TTC6: variants seen among roughly 807,000 people sequenced by gnomAD.
TTC6 encodes the protein tetratricopeptide repeat protein 6.
Under a neutral mutation model 210.4 loss-of-function variants are expected in TTC6, and 172 were observed. The observed-to-expected ratio is 0.82, with a 90% CI of 0.72 to 0.93. The LOEUF (loss-of-function observed/expected upper bound fraction) is 0.93, where lower values mean the gene tolerates loss of function less well. Among genes scored for constraint, TTC6 ranks in the 40% least tolerant of loss-of-function variants. TTC6 has a pLI of 0.00. For missense variants in TTC6, 2,414 were observed against 2,318.1 expected, an observed-to-expected ratio of 1.04 and a Z score of -0.85; for synonymous variants, 804 against 819.6, an observed-to-expected ratio of 0.98 and a Z score of 0.32.
chr14:37,627,924 G>A (rs568169373), intron 1 of TTC6, among the ~76,000 whole-genome samples: 3 of 152,252 alleles, frequency 2.0e-5, no homozygotes, highest in Admixed American at 6.5e-5. Context: ...GTGTAAAAGC[G>A]TTCCTATTTC....
chr14:37,762,054 A>G (rs1441008403), intron 14 of TTC6, among the ~76,000 whole-genome samples: 1 of 152,176 alleles, frequency 6.6e-6, no homozygotes, highest in East Asian at 1.9e-4. Flanking sequence ...TAGATTCCAC[A>G]TATAAACGAG....
chr14:37,711,343 T>C (rs2095844458), intron 5 of TTC6, among the ~76,000 whole-genome samples: 1 of 152,180 alleles, frequency 6.6e-6, no homozygotes, highest in South Asian at 2.1e-4. Context: ...GAATGCAGTA[T>C]ATTGTGTAAT....
At chr14:37,792,123 A>T (rs982755188) in intron 16 of TTC6, 141 bp from the exon 19 acceptor site, 2 of 643,892 alleles carry the variant, frequency 3.1e-6, no homozygotes, top group Non-Finnish European at 4.8e-6. Flanking sequence ...GCAGCTAACT[A>T]ATTTACTTTC....
intron 8 of TTC6, among the ~76,000 whole-genome samples, chr14:37,737,426 ATTT>A (rs78646495): frequency 6.7e-4 from 102 of 151,546 alleles, no homozygotes; most frequent in East Asian, 5.5e-3. Flanking sequence ...ATCAAGTTGA[ATTT>A]TTTAAAAAAA....
chr14:37,676,139 T>C (rs2095768769), intron 1 of TTC6, among the ~76,000 whole-genome samples: 1 of 152,076 alleles, frequency 6.6e-6, no homozygotes, highest in Admixed American at 6.6e-5. Context: ...AAAAACTTGC[T>C]TTTCTTGTAT....
intron 1 of TTC6, among the ~76,000 whole-genome samples, chr14:37,647,447 T>A (rs1253004441): frequency 6.6e-6 from 1 of 152,094 alleles, no homozygotes; most frequent in Non-Finnish European, 1.5e-5. Context: ...TTGCTTATGG[T>A]TTGTATGTGT....
At chr14:37,815,853 A>T (rs1363828376) in intron 25 of TTC6, among the ~76,000 whole-genome samples, 1 of 152,140 alleles carries the variant, frequency 6.6e-6, no homozygotes, top group East Asian at 1.9e-4. Context: ...TCTATTGTTG[A>T]TAATTACTGC....
intron 6 of TTC6, among the ~76,000 whole-genome samples, chr14:37,715,247 C>T (rs1332297713): frequency 1.3e-5 from 2 of 151,776 alleles, no homozygotes; most frequent in Non-Finnish European, 2.9e-5. Flanking sequence ...CCAATACAGC[C>T]TTGGGGAATT....
exon 1 of TTC6, chr14:37,622,490 G>T (rs1401444477): frequency 6.5e-7 from 1 of 1,535,152 alleles, no homozygotes; most frequent in African/African-American, 1.4e-5. Flanking sequence ...TCGCCTCGGG[G>T]TTCGGCACGG....
intron 14 of TTC6, among the ~76,000 whole-genome samples, chr14:37,772,848 A>G (rs1365323417): frequency 2.6e-5 from 4 of 151,962 alleles, no homozygotes; most frequent in Non-Finnish European, 5.9e-5. Context: ...ACTTTCCACA[A>G]TGGCTTAACT....
chr14:37,805,407 C>G (rs2096115973), intron 21 of TTC6, among the ~76,000 whole-genome samples: 1 of 137,944 alleles, frequency 7.2e-6, no homozygotes, highest in African/African-American at 2.7e-5. Flanking sequence ...TTCTACAACT[C>G]TATCTCAAGA....
rs1278744123 is a variant in TTC6, at chr14:37,725,012, C to T, written c.1818+10C>T. On this transcript the variant is annotated intron_variant, in intron 7 of 30. Coordinates refer to ENST00000553443, the Ensembl canonical transcript of TTC6. ...ATATCCAAAATATGAGGTAACATAC[C>T]GAATGGGTTTTCTCTATTATTGTTG... 8 of 1,392,280 alleles carry T rather than the reference C, an allele frequency of 5.7e-6. No individual in the cohort carries two copies. The Admixed American group carries it at 6.3e-5, about 11-fold the overall frequency. 86.2% of individuals were successfully genotyped at this position (1,392,280 alleles called of 1,614,324 possible).
Position 37,826,466 on chromosome 14 carries a change from G to T in TTC6, c.5127+119G>T, listed in dbSNP as rs907148776. On this transcript the variant is annotated intron_variant, in intron 28 of 30. Transcript: ENST00000553443. ...TGACTTATGGAGAAAATAATGTTTT[G>T]TATTTTTTTTTAACCCAAGTGATCC... The T allele has an allele frequency of 1.2e-4, 117 of 1,015,196 alleles. 2 individuals are homozygous for T. Among genetic ancestry groups the T allele is most frequent in the Non-Finnish European group, 1.5e-4 (115 of 753,940 alleles). The allele number at this position is 1,015,196 out of a possible 1,614,324, so 62.9% of individuals were successfully genotyped here.
At chr14:37,765,540 A>G (rs2095996629) in intron 14 of TTC6, among the ~76,000 whole-genome samples, 1 of 152,020 alleles carries the variant, frequency 6.6e-6, no homozygotes, top group Non-Finnish European at 1.5e-5. Flanking sequence ...TGTTTTATGC[A>G]TTTGTCTTTT....
At chr14:37,777,651 G>T (rs542571486) in intron 14 of TTC6, among the ~76,000 whole-genome samples, 1 of 152,162 alleles carries the variant, frequency 6.6e-6, no homozygotes, top group Middle Eastern at 3.4e-3. Context: ...GAGTGAATGC[G>T]GTCATTTGGA....
chr14:37,826,305 T>C (rs1480889151), exon 28 of TTC6: 1 of 1,610,582 alleles, frequency 6.2e-7, no homozygotes, highest in East Asian at 2.2e-5. Context: ...TTCAGATGGG[T>C]AATAATTTTG....
chr14:37,794,941 A>G (rs945644683), intron 17 of TTC6, among the ~76,000 whole-genome samples: 1 of 152,080 alleles, frequency 6.6e-6, no homozygotes, highest in Non-Finnish European at 1.5e-5. Flanking sequence ...GTTGAGGGAG[A>G]AAAACTGGAA....
At chr14:37,799,586 G>T (rs954086692) in intron 20 of TTC6, among the ~76,000 whole-genome samples, 1 of 152,038 alleles carries the variant, frequency 6.6e-6, no homozygotes, top group Non-Finnish European at 1.5e-5. Flanking sequence ...ATTATATTAG[G>T]TTATGTAGTA....
chr14:37,792,823 GGTGA>G (rs974974806), intron 17 of TTC6, among the ~76,000 whole-genome samples: 5 of 143,820 alleles, frequency 3.5e-5, no homozygotes, highest in South Asian at 2.2e-4. Flanking sequence ...TGTGTGTACA[GGTGA>G]GTAAGTAGGT....
Sources: allele counts gnomAD v4.1 joint callset (sites outside exome capture counted in the v4.1 genomes callset), GRCh38; gene constraint gnomAD v4.1.1; transcripts MANE v1.5; gene names NCBI Gene and HGNC (gene_info 2026-07-23, HGNC 2026-07-21).